TP63: variants seen among roughly 807,000 people sequenced by gnomAD.
The protein encoded by TP63 is tumor protein p63.
Under a neutral mutation model 82.8 loss-of-function variants are expected in TP63, and 17 were observed. That is an observed-to-expected ratio of 0.21 (90% CI 0.14 to 0.31). TP63 has a LOEUF of 0.31. TP63 is among the 10% of genes least tolerant of loss of function. The probability of loss-of-function intolerance (pLI) is 1.00; values close to 1 mark genes in which losing one functional copy is unlikely to be tolerated. For synonymous variants in TP63, 330 were observed against 321.7 expected (o/e 1.03, Z -0.28); for missense variants, 648 against 895.3 (o/e 0.72, Z 3.52).
At chr3:189,627,149 T>C (rs1244265816), upstream of TP63, among the ~76,000 whole-genome samples, 2 of 152,126 alleles carry the variant, frequency 1.3e-5, no homozygotes, top group Non-Finnish European at 2.9e-5. Context: ...TGCTCTCTCC[T>C]TCAGAGTTAT....
At chr3:189,792,845 T>A (rs934069350) in intron 3 of TP63, among the ~76,000 whole-genome samples, 2 of 152,052 alleles carry the variant, frequency 1.3e-5, no homozygotes, top group Non-Finnish European at 2.9e-5. Flanking sequence ...CTCCCTGTAG[T>A]CCAGGTCATT....
At chr3:189,728,100 G>A (rs1719898890) in intron 1 of TP63, among the ~76,000 whole-genome samples, 1 of 151,844 alleles carries the variant, frequency 6.6e-6, no homozygotes, top group South Asian at 2.1e-4. Context: ...GATCCAGGAT[G>A]GCTAGGCTCC....
At chr3:189,716,005 C>G (rs1414265489) in intron 1 of TP63, among the ~76,000 whole-genome samples, 1 of 152,122 alleles carries the variant, frequency 6.6e-6, no homozygotes, top group Non-Finnish European at 1.5e-5. Flanking sequence ...ACGTACTATA[C>G]TAAAAACTAT....
chr3:189,702,673 C>T (rs1717902214), intron 1 of TP63, among the ~76,000 whole-genome samples: 1 of 152,176 alleles, frequency 6.6e-6, no homozygotes, highest in Admixed American at 6.5e-5. Flanking sequence ...ATGGATGCTA[C>T]ACTGTTTTTA....
intron 3 of TP63, among the ~76,000 whole-genome samples, chr3:189,740,278 A>T (rs1171361461): frequency 6.6e-6 from 1 of 152,174 alleles, no homozygotes; most frequent in Non-Finnish European, 1.5e-5. Context: ...CTCTGATTTG[A>T]CAGTTACTTA....
chr3:189,674,429 G>C (rs916685065), intron 1 of TP63, among the ~76,000 whole-genome samples: 1 of 152,090 alleles, frequency 6.6e-6, no homozygotes, highest in African/African-American at 2.4e-5. Flanking sequence ...CGATGATCCA[G>C]GAAGCAAGAA....
At chr3:189,660,851 T>TG (rs34927262) in intron 1 of TP63, among the ~76,000 whole-genome samples, 136,116 of 151,880 alleles carry the variant, frequency 0.9, 62,377 homozygotes, top group Non-Finnish European at 0.98. Flanking sequence ...ATTCTTGATT[T>TG]GCTCTCAGCT....
rs1360624743 is a variant in TP63 at position 189,889,430 on chromosome 3, C to T, written c.1598C>T (p.Ser533Phe). The change falls in exon 12 of 14, where the codon TCC becomes TTC. Residue 533 changes from serine to phenylalanine, a missense_variant. Physicochemically the swap from Ser to Phe is radical, Grantham distance 155 (BLOSUM62 -2). Coordinates refer to ENST00000264731, the MANE Select transcript of TP63 (RefSeq NM_003722.5). ...CTCCCTCCCCCACTCTCCATGCCAT[C>T]CACCTCCCACTGCACACCCCCACCT... is the stretch of plus-strand genomic sequence containing the variant. ...QALPPPLSMP[S>F]TSHCTPPPPY... 1.9e-6 allele frequency: 3 copies of T among 1,614,086 alleles called. No individual in the cohort carries two copies.
At chr3:189,638,037 C>A (rs1047762110) in intron 1 of TP63, among the ~76,000 whole-genome samples, 1 of 152,054 alleles carries the variant, frequency 6.6e-6, no homozygotes, top group East Asian at 1.9e-4. Flanking sequence ...CCTACAGTCT[C>A]CAAAAGCAAT....
chr3:189,859,447 G>A (rs950028074), intron 4 of TP63, among the ~76,000 whole-genome samples: 5 of 152,002 alleles, frequency 3.3e-5, no homozygotes, highest in African/African-American at 1.2e-4. Flanking sequence ...AATGAAATAA[G>A]TACATGAAAA....
At chr3:189,605,772 G>GA in the TP63 span, among the ~76,000 whole-genome samples, 8 of 150,168 alleles carry the variant, frequency 5.3e-5, no homozygotes, top group Non-Finnish European at 8.9e-5. Context: ...TTAATGGCTA[G>GA]AAAAAAAAAT....
intron 1 of TP63, among the ~76,000 whole-genome samples, chr3:189,698,448 A>C (rs1356695984): frequency 6.6e-6 from 1 of 151,972 alleles, no homozygotes; most frequent in Non-Finnish European, 1.5e-5. Context: ...TCATTCCTTT[A>C]TTTAAGGCAA....
At chr3:189,634,662 T>TA (rs1394361444) in intron 1 of TP63, among the ~76,000 whole-genome samples, 1 of 152,132 alleles carries the variant, frequency 6.6e-6, no homozygotes, top group Non-Finnish European at 1.5e-5. Flanking sequence ...AAAAGTTGGA[T>TA]AAAATCACAT....
At chr3:189,703,955 C>G (rs1426029066) in intron 1 of TP63, among the ~76,000 whole-genome samples, 2 of 152,216 alleles carry the variant, frequency 1.3e-5, no homozygotes, top group African/African-American at 4.8e-5. Flanking sequence ...AATAAACATT[C>G]ACTTACTAGA....
intron 1 of TP63, among the ~76,000 whole-genome samples, chr3:189,701,106 C>G (rs1207111639): frequency 6.6e-6 from 1 of 152,140 alleles, no homozygotes; most frequent in African/African-American, 2.4e-5. Context: ...CCTTCAACTT[C>G]CAACATGATT....
chr3:189,848,788 C>T (rs1470728067), intron 4 of TP63, among the ~76,000 whole-genome samples: 2 of 152,198 alleles, frequency 1.3e-5, no homozygotes. Context: ...ACTCCTGACC[C>T]TCTGTGATAT....
At chr3:189,804,492 T>G (rs1560200073) in intron 3 of TP63, among the ~76,000 whole-genome samples, 1 of 152,232 alleles carries the variant, frequency 6.6e-6, no homozygotes, top group Non-Finnish European at 1.5e-5. Context: ...CACTACAAAT[T>G]GTACAAATTG....
At chr3:189,617,462 C>T in the TP63 span, among the ~76,000 whole-genome samples, 3 of 152,302 alleles carry the variant, frequency 2.0e-5, no homozygotes, top group East Asian at 3.9e-4. Context: ...GTCTTTTTAT[C>T]TGCTCTAGCA....
intron 1 of TP63, among the ~76,000 whole-genome samples, chr3:189,679,582 G>A (rs967281828): frequency 2.0e-5 from 3 of 151,914 alleles, no homozygotes; most frequent in African/African-American, 7.3e-5. Flanking sequence ...TTTCGTAGGT[G>A]ACCTCTTCAT....
Sources: allele counts gnomAD v4.1 joint callset (sites outside exome capture counted in the v4.1 genomes callset), GRCh38; gene constraint gnomAD v4.1.1; transcripts MANE v1.5; gene names NCBI Gene and HGNC (gene_info 2026-07-23, HGNC 2026-07-21).